The following STAG2 variants were observed in gnomAD, a reference collection of about 807,000 sequenced individuals.
STAG2 encodes STAG2 cohesin complex component.
A neutral mutation model predicts 108.1 loss-of-function variants in STAG2; 14 were observed. That is an observed-to-expected ratio of 0.13 (90% confidence interval 0.09 to 0.20). The LOEUF (loss-of-function observed/expected upper bound fraction) is 0.20. Ranked by LOEUF, STAG2 falls within the 10% of genes least tolerant of loss-of-function variation. The pLI, the probability that STAG2 is intolerant of heterozygous loss-of-function variation, is 1.00. For synonymous variants in STAG2, 307 were observed against 302.7 expected, an observed-to-expected ratio of 1.01 and a Z score of -0.15; for missense variants, 440 against 940.9, an observed-to-expected ratio of 0.47 and a Z score of 6.96.
At chrX:123,978,143 A>G (rs1230018502) in intron 1 of STAG2, among the ~76,000 whole-genome samples, 1 of 102,909 alleles carries the variant, frequency 9.7e-6, no homozygotes. Flanking sequence ...GTGCCTGGCC[A>G]CTACTGAGTT....
At position 124,050,434 on chromosome X, in the gene STAG2, T is replaced by A. The variant is rs74386199; in HGVS notation, c.1017+125T>A. The A allele has an allele frequency of 0.046, 34,179 of 744,045 alleles. 651 individuals carry two copies. Among genetic ancestry groups the A allele is most frequent in the Non-Finnish European group, 0.052 (28,550 of 547,507 alleles). 61.3% of individuals were successfully genotyped at this position (744,045 alleles called of 1,213,427 possible). On this transcript the variant is annotated intron_variant, in intron 11 of 34. Transcript: ENST00000371145. ...ATTTCTGGAAGCCTCCCCTTTATTCTTTTCTATCTTCTCTGTAAAAACTTA... is the reference window on the plus strand; with the variant it reads ...ATTTCTGGAAGCCTCCCCTTTATTCATTTCTATCTTCTCTGTAAAAACTTA...
At chrX:124,073,137 C>T (rs1203001181) in intron 25 of STAG2, among the ~76,000 whole-genome samples, 1 of 110,007 alleles carries the variant, frequency 9.1e-6, no homozygotes, top group African/African-American at 3.3e-5. Context: ...ATTGAAACAT[C>T]TTTTGAGAAG....
chrX:123,967,041 G>A (rs200983034), intron 1 of STAG2, among the ~76,000 whole-genome samples: 1 of 108,545 alleles, frequency 9.2e-6, no homozygotes, highest in Non-Finnish European at 1.9e-5. Context: ...CCGCTACCAC[G>A]CCCAGCTAAT....
chrX:124,006,828 A>T (rs1047827131), intron 1 of STAG2, among the ~76,000 whole-genome samples: 8 of 111,329 alleles, frequency 7.2e-5, no homozygotes, highest in Non-Finnish European at 1.5e-4. Context: ...TCAGTTTAAC[A>T]TGTGTTTTAA....
intron 23 of STAG2, 148 bp downstream of exon 23, chrX:124,066,584 G>A: frequency 2.4e-6 from 1 of 417,559 alleles, no homozygotes; most frequent in East Asian, 4.0e-5. Context: ...ATATTCAGTG[G>A]AGAGGATATC....
intron 6 of STAG2, among the ~76,000 whole-genome samples, chrX:124,040,175 A>G (rs767501884): frequency 2.7e-5 from 3 of 111,614 alleles, no homozygotes; most frequent in East Asian, 5.6e-4. Flanking sequence ...CATTTCCTGC[A>G]GACCCAAAGT....
At chrX:124,087,283 A>C (rs2059130862) in intron 30 of STAG2, among the ~76,000 whole-genome samples, 2 of 112,144 alleles carry the variant, frequency 1.8e-5, no homozygotes, top group Non-Finnish European at 3.8e-5. Context: ...TGACGCTTGA[A>C]GCTCTTAGAC....
At chrX:124,075,348 A>G (rs1279865064) in intron 25 of STAG2, among the ~76,000 whole-genome samples, 2 of 111,691 alleles carry the variant, frequency 1.8e-5, no homozygotes, top group African/African-American at 6.5e-5. Context: ...ATCTTGGCTC[A>G]CTGCAACCTC....
intron 7 of STAG2, among the ~76,000 whole-genome samples, chrX:124,044,617 A>C (rs2057823038): frequency 9.0e-6 from 1 of 111,460 alleles, no homozygotes; most frequent in Admixed American, 9.6e-5. Flanking sequence ...CTTGTTGTGC[A>C]AAGGAAAACC....
intron 1 of STAG2, among the ~76,000 whole-genome samples, chrX:123,985,946 A>G (rs966753096): frequency 2.8e-5 from 3 of 108,719 alleles, no homozygotes; most frequent in East Asian, 5.7e-4. Context: ...ACACTGGGAC[A>G]TATATCCTGT....
intron 1 of STAG2, among the ~76,000 whole-genome samples, chrX:123,976,287 A>T (rs1198385374): frequency 1.8e-5 from 2 of 112,038 alleles, no homozygotes; most frequent in African/African-American, 3.2e-5. Context: ...AAAAAAATTT[A>T]AAAAGATGAA....
intron 1 of STAG2, among the ~76,000 whole-genome samples, chrX:123,988,837 G>A (rs2055315182): frequency 9.0e-6 from 1 of 111,116 alleles, no homozygotes; most frequent in Non-Finnish European, 1.9e-5. Flanking sequence ...TAGTCTTGGT[G>A]GTTTGAAAAC....
At chrX:124,048,007 A>G (rs2057925283) in intron 9 of STAG2, among the ~76,000 whole-genome samples, 1 of 112,317 alleles carries the variant, frequency 8.9e-6, no homozygotes, top group Non-Finnish European at 1.9e-5. Context: ...AGTAAATAAA[A>G]TCTTTTGATG....
chrX:124,068,693 C>A, intron 24 of STAG2, 37 bp downstream of exon 24: 2 of 966,682 alleles, frequency 2.1e-6, no homozygotes, highest in South Asian at 2.3e-5. Flanking sequence ...TTTTTGTAAG[C>A]AACCTTTATA....
intron 15 of STAG2, 129 bp downstream of exon 15, chrX:124,058,106 C>T (rs2058263373): frequency 3.4e-6 from 1 of 295,278 alleles, no homozygotes; most frequent in Admixed American, 6.6e-5. Context: ...GCCACCCACT[C>T]CCCCACTCCC....
chrX:124,028,822 ATTTT>A (rs767163177), intron 4 of STAG2, among the ~76,000 whole-genome samples: 46 of 38,969 alleles, frequency 1.2e-3, no homozygotes, highest in African/African-American at 4.2e-3. Context: ...ATATATATAT[ATTTT>A]TTTTTTTATA....
In STAG2 at chrX:124,068,639, A is replaced by G. The variant is rs1218270944; in HGVS notation, c.2341A>G (p.Thr781Ala). Residue 781 changes from threonine to alanine, a missense_variant, in exon 24 of 35, where the codon ACT becomes GCT. By Grantham distance (58) the Thr-to-Ala change is moderately conservative. Around this residue, in one of 3 missense-constraint regions of STAG2, gnomAD observed 337 missense variants for 649.3 expected, o/e 0.52. Transcript: ENST00000371145. ...ICQHYLTNVN[T>A]TVKEQAFTIL... Reference sequence around the variant, plus strand: ...TCAACATTACCTGACCAACGTGAATACTACTGTTAAGGAACAGGTTAGTAA... The same window carrying G: ...TCAACATTACCTGACCAACGTGAATGCTACTGTTAAGGAACAGGTTAGTAA... 1.7e-6 allele frequency: 2 copies of G among 1,181,581 alleles called. No homozygotes were observed. Among genetic ancestry groups the G allele is most frequent in the South Asian group, 3.8e-5 (2 of 52,377 alleles).
At chrX:124,048,983 G>C (rs2057959023) in intron 9 of STAG2, 22 bp from the exon 10 acceptor site, 2 of 1,157,575 alleles carry the variant, frequency 1.7e-6, no homozygotes, top group Non-Finnish European at 2.4e-6. Flanking sequence ...CAATTGAAAA[G>C]AAATGATGTG....
At chrX:124,057,078 G>T (rs2058227586) in intron 14 of STAG2, among the ~76,000 whole-genome samples, 1 of 110,680 alleles carries the variant, frequency 9.0e-6, no homozygotes, top group Admixed American at 9.7e-5. Flanking sequence ...CTTTCCTTTA[G>T]AAAATATTAA....
Sources: gnomAD v4.1 joint callset for allele counts (sites outside exome capture counted in the v4.1 genomes callset) on GRCh38, gnomAD v4.1.1 for gene constraint, gnomAD v4.1.1 regional missense constraint, MANE v1.5 for transcripts, NCBI Gene and HGNC (gene_info 2026-07-23, HGNC 2026-07-21) for gene names.